The following CLEC4C variants were observed in gnomAD, a reference collection of about 807,000 sequenced individuals.
The protein encoded by CLEC4C is C-type lectin domain family 4 member C, also known as C-type (calcium dependent, carbohydrate-recognition domain) lectin, superfamily member 11.
CLEC4C carries 17 observed loss-of-function variants against 27.7 expected under a neutral mutation model. The observed-to-expected ratio is 0.61, with a 90% CI of 0.42 to 0.92. The LOEUF (loss-of-function observed/expected upper bound fraction) is 0.92, where lower values mean the gene tolerates loss of function less well. Among genes scored for constraint, CLEC4C ranks in the 40% least tolerant of loss-of-function variants. CLEC4C has a pLI of 0.00. For synonymous variants in CLEC4C, 80 were observed against 80.8 expected (o/e 0.99, Z 0.06); for missense variants, 244 against 257.3 (o/e 0.95, Z 0.35).
chr12:7,730,942 T>C (rs1174340683), intron 4 of CLEC4C, 30 bp from the exon 5 acceptor site: 1 of 1,185,588 alleles, frequency 8.4e-7, no homozygotes, highest in East Asian at 2.3e-5. Flanking sequence ...GAGTCATAGC[T>C]GATAGAGCAG....
intron 4 of CLEC4C, among the ~76,000 whole-genome samples, chr12:7,732,919 G>C (rs984263772): frequency 4.6e-5 from 7 of 151,894 alleles, no homozygotes; most frequent in African/African-American, 1.7e-4. Flanking sequence ...CTGCACTCCA[G>C]TCTCGGCGAC....
At position 7,737,493 on chromosome 12, in the gene CLEC4C, T is replaced by G; in HGVS notation, c.317A>C (p.Lys106Thr). The G allele has an allele frequency of 6.2e-7, 1 of 1,614,026 alleles. No individual in the cohort carries two copies. The highest frequency in any genetic ancestry group is 1.3e-5 in the African/African-American group (1 of 75,032). The change falls in exon 4 of 6, where the codon AAG becomes ACG. Residue 106 changes from lysine (K) to threonine (T), a missense_variant. Transcript: ENST00000360345. ...CATCACAGAACAGTTCTTTTGACTCTTAGTCCAAGATTGCATCCCAGTAGA... is the reference window on the plus strand; with the variant it reads ...CATCACAGAACAGTTCTTTTGACTCGTAGTCCAAGATTGCATCCCAGTAGA... ...FISTGMQSWT[K>T]SQKNCSVMGA...
At position 7,741,437 on chromosome 12, in the gene CLEC4C, T is replaced by C. The variant is rs1302646123; in HGVS notation, c.219A>G (p.Glu73=). 6.2e-7 allele frequency: 1 copy of C among 1,601,004 alleles called. No individual in the cohort carries two copies. Among genetic ancestry groups the C allele is most frequent in the Admixed American group, 1.7e-5 (1 of 59,994 alleles). ...GAGTTGTACCTTCTATGTCCTTTCC[T>C]TCCATGACGCAGGTCAGGCTTGGAT... ...QYHPSLTCVM[E]GKDIEDWSCC... Residue 73 remains glutamate, a synonymous_variant, in exon 3 of 6, where the codon GAA becomes GAG. Transcript: ENST00000360345.
chr12:7,749,113 G>C (rs1228514765), upstream of CLEC4C: 2 of 152,288 alleles, frequency 1.3e-5, no homozygotes, highest in Non-Finnish European at 2.9e-5. Context: ...ATGTACTCAC[G>C]GCCTGAGGCA....
intron 2 of CLEC4C, among the ~76,000 whole-genome samples, chr12:7,743,094 G>C (rs962357659): frequency 5.3e-5 from 8 of 152,236 alleles, no homozygotes; most frequent in Non-Finnish European, 1.0e-4. Context: ...TATATACCCA[G>C]CACCTAGAAA....
intron 4 of CLEC4C, among the ~76,000 whole-genome samples, chr12:7,732,421 G>A (rs749752430): frequency 6.6e-6 from 1 of 151,012 alleles, no homozygotes; most frequent in Non-Finnish European, 1.5e-5. Context: ...GTGTGATCTC[G>A]GCTCACTGCA....
chr12:7,746,564 G>C (rs1282838542), intron 1 of CLEC4C, 141 bp from the exon 2 acceptor site: 1 of 601,268 alleles, frequency 1.7e-6, no homozygotes, highest in African/African-American at 1.9e-5. Context: ...AAAGCAAAAA[G>C]AGATTATAGA....
chr12:7,729,931 T>C (rs1342894673), intron 5 of CLEC4C, among the ~76,000 whole-genome samples, 191 bp from the exon 6 acceptor site: 1 of 152,176 alleles, frequency 6.6e-6, no homozygotes, highest in Non-Finnish European at 1.5e-5. Flanking sequence ...GTCTCTGGTA[T>C]TTCCCCTGAA....
upstream of CLEC4C, chr12:7,747,386 TG>T (rs201302201): frequency 7.1e-4 from 1,142 of 1,609,054 alleles, 5 homozygotes; most frequent in African/African-American, 0.012. Context: ...CTCTATCAGG[TG>T]GGTGCAGAAG....
chr12:7,749,521 CT>C (rs1865056843), upstream of CLEC4C: 1 of 151,688 alleles, frequency 6.6e-6, no homozygotes, highest in South Asian at 2.1e-4. Context: ...TACCACTTCA[CT>C]CCAGCCTGGG....
chr12:7,739,799 C>A (rs1289318491), intron 3 of CLEC4C, among the ~76,000 whole-genome samples: 1 of 152,036 alleles, frequency 6.6e-6, no homozygotes, highest in African/African-American at 2.4e-5. Flanking sequence ...CCCACCTCAG[C>A]CTCCAAAGTA....
At chr12:7,732,454 C>T (rs924901274) in intron 4 of CLEC4C, among the ~76,000 whole-genome samples, 2 of 151,636 alleles carry the variant, frequency 1.3e-5, no homozygotes, top group African/African-American at 2.4e-5. Context: ...CTGGTTCAAG[C>T]GGTTCTTCTG....
chr12:7,745,962 T>C (rs1309878565), intron 2 of CLEC4C, among the ~76,000 whole-genome samples: 1 of 150,884 alleles, frequency 6.6e-6, no homozygotes, highest in East Asian at 2.0e-4. Flanking sequence ...ACACCTGTAA[T>C]CCCAGCACTT....
chr12:7,732,828 G>A (rs910607564), intron 4 of CLEC4C, among the ~76,000 whole-genome samples: 3 of 149,942 alleles, frequency 2.0e-5, no homozygotes, highest in African/African-American at 7.4e-5. Context: ...GGGCATGGTG[G>A]CAGGCAGCTA....
intron 2 of CLEC4C, among the ~76,000 whole-genome samples, chr12:7,744,060 A>G (rs768035525): frequency 6.6e-6 from 1 of 152,274 alleles, no homozygotes; most frequent in Non-Finnish European, 1.5e-5. Flanking sequence ...GAACTCACTT[A>G]TTCCTTCGAG....
rs958187827 is a variant in CLEC4C at position 7,740,696 on chromosome 12, G to A, written c.235+725C>T. On this transcript the variant is annotated intron_variant, in intron 3 of 5. Coordinates refer to ENST00000360345, the MANE Select transcript of CLEC4C (RefSeq NM_001371390.1). ...AGCCTGGGCGACAGAGTGAGACTCC[G>A]TCTCAAAAAAGAAAAAAAAGAAAAG... Among the ~76,000 whole-genome samples, 4 of 147,808 alleles carry A rather than the reference G, an allele frequency of 2.7e-5. 1 individual carries two copies. The highest frequency in any genetic ancestry group is 4.3e-4 in the South Asian group (2 of 4,672).
In CLEC4C at chr12:7,741,479, T is replaced by C. The variant is rs1864853805; in HGVS notation, c.177A>G (p.Arg59=). 1.9e-6 allele frequency: 3 copies of C among 1,613,134 alleles called. No individual in the cohort carries two copies. The highest frequency in any genetic ancestry group is 2.5e-6 in the Non-Finnish European group (3 of 1,179,032). The change falls in exon 3 of 6, where the codon CGA becomes CGG. Residue 59 remains arginine, a synonymous_variant. Coordinates refer to ENST00000360345, the MANE Select transcript of CLEC4C (RefSeq NM_001371390.1). ...SKTVKRLSKL[R]EYQQYHPSLT... is the part of the protein sequence containing the mutation. ...GGCTTGGATGATACTGTTGATACTC[T>C]CGTAACTTGGACAGCCTCTTGACAG...
At chr12:7,745,957 T>C (rs1431586088) in intron 2 of CLEC4C, among the ~76,000 whole-genome samples, 1 of 151,864 alleles carries the variant, frequency 6.6e-6, no homozygotes, top group Non-Finnish European at 1.5e-5. Flanking sequence ...GGCTCACACC[T>C]GTAATCCCAG....
Position 7,746,326 on chromosome 12 carries a change from C to T in CLEC4C, c.124+5G>A, listed in dbSNP as rs1490075883. The T allele has an allele frequency of 6.3e-7, 1 of 1,599,874 alleles. No individual in the cohort carries two copies. Among genetic ancestry groups the T allele is most frequent in the Admixed American group, 1.7e-5 (1 of 59,758 alleles). ...GAGATGACTGCACTCCAGCCAAGAA[C>T]TTACCCACAGAACTCACAGTGAAAC... On this transcript the variant is annotated splice_donor_5th_base_variant and intron_variant, in intron 2 of 5. Coordinates refer to ENST00000360345, the MANE Select transcript of CLEC4C (RefSeq NM_001371390.1).
Sources: gnomAD v4.1 joint callset for allele counts (sites outside exome capture counted in the v4.1 genomes callset) on GRCh38, gnomAD v4.1.1 for gene constraint, MANE v1.5 for transcripts, NCBI Gene and HGNC (gene_info 2026-07-23, HGNC 2026-07-21) for gene names.